Variants in GRIK3 observed in about 807,000 individuals in gnomAD.
The protein encoded by GRIK3 is glutamate ionotropic receptor kainate type subunit 3.
GRIK3 carries 29 observed loss-of-function variants against 102.5 expected under a neutral mutation model. The ratio of observed to expected loss-of-function variants is 0.28; its 90% CI spans 0.21 to 0.39. The LOEUF (loss-of-function observed/expected upper bound fraction) is 0.39, where lower values mean the gene tolerates loss of function less well. Ranked by LOEUF, GRIK3 falls within the 10% of genes least tolerant of loss-of-function variation. The pLI, the probability that GRIK3 is intolerant of heterozygous loss-of-function variation, is 1.00. For missense variants in GRIK3, 908 were observed against 1,252.4 expected (o/e 0.73, Z 4.15); for synonymous variants, 511 against 504.9 (o/e 1.01, Z -0.16).
At position 36,872,779 on chromosome 1, in the gene GRIK3, A is replaced by G. The variant is rs1181695040; in HGVS notation, c.551-410T>C. On this transcript the variant is annotated intron_variant, in intron 3 of 15. Transcript: ENST00000373091. The surrounding 1 kb of genome is among the most constrained non-coding windows in gnomAD (Gnocchi z 5.9). ...GTAAAGCCTTCAGGGCCTAAATCAG[A>G]GTTCACCCCTCTTCTTCTGTACCCA... Among the ~76,000 whole-genome samples the G allele has an allele frequency of 6.6e-6, 1 of 152,174 alleles. No individual in the cohort carries two copies. The highest frequency in any genetic ancestry group is 1.5e-5 in the Non-Finnish European group (1 of 68,036).
chr1:36,825,853 A>G, intron 10 of GRIK3, 27 bp from the exon 11 acceptor site: 9 of 1,511,306 alleles, frequency 6.0e-6, no homozygotes, highest in Non-Finnish European at 7.3e-6. Flanking sequence ...AGAGAAAGAC[A>G]GACTATGAGC....
intron 1 of GRIK3, among the ~76,000 whole-genome samples, chr1:37,031,741 C>G (rs1642830238): frequency 6.6e-6 from 1 of 152,220 alleles, no homozygotes; most frequent in Admixed American, 6.5e-5. Context: ...GGGCACTGGG[C>G]CCAGCCAAGG....
chr1:36,947,859 C>A (rs1398289706), intron 1 of GRIK3, among the ~76,000 whole-genome samples: 1 of 152,132 alleles, frequency 6.6e-6, no homozygotes. Flanking sequence ...ACACCCCACC[C>A]CCTCCACAGT....
chr1:36,890,915 C>T lies in GRIK3; in HGVS notation c.292+5G>A. On this transcript the variant is annotated splice_donor_5th_base_variant and intron_variant, in intron 2 of 15. Coordinates refer to ENST00000373091, the MANE Select transcript of GRIK3 (RefSeq NM_000831.4). ...AGAGAACAGAGGCAGGAGCTGCACACTCACCCTTTTTGGTCGCCTCGAAGC... is the reference window on the plus strand; with the variant it reads ...AGAGAACAGAGGCAGGAGCTGCACATTCACCCTTTTTGGTCGCCTCGAAGC... 3 of 1,605,902 alleles carry T rather than the reference C, an allele frequency of 1.9e-6. No homozygotes were observed. Among genetic ancestry groups the T allele is most frequent in the Non-Finnish European group, 2.6e-6 (3 of 1,174,856 alleles).
At chr1:37,012,940 G>T (rs1422650324) in intron 1 of GRIK3, among the ~76,000 whole-genome samples, 1 of 152,174 alleles carries the variant, frequency 6.6e-6, no homozygotes, top group South Asian at 2.1e-4. Context: ...CTCTTCCTGG[G>T]ATACCCCAAA....
chr1:36,875,561 C>T (rs1640904650), intron 3 of GRIK3, among the ~76,000 whole-genome samples: 1 of 152,244 alleles, frequency 6.6e-6, no homozygotes, highest in South Asian at 2.1e-4. Context: ...GGTTTGCTCT[C>T]TCGCCCCTCT....
chr1:36,967,842 A>G (rs1397909128), intron 1 of GRIK3, among the ~76,000 whole-genome samples: 1 of 152,240 alleles, frequency 6.6e-6, no homozygotes, highest in Non-Finnish European at 1.5e-5. Context: ...CTGTTATGAT[A>G]ATTGAGATAA....
intron 1 of GRIK3, among the ~76,000 whole-genome samples, chr1:36,913,551 C>T (rs1035352022): frequency 1.3e-5 from 2 of 152,152 alleles, no homozygotes; most frequent in Admixed American, 1.3e-4. Flanking sequence ...GAAGAAATTG[C>T]ACTAATTATA....
At chr1:36,983,843 C>A (rs1481322460) in intron 1 of GRIK3, among the ~76,000 whole-genome samples, 2 of 152,146 alleles carry the variant, frequency 1.3e-5, no homozygotes, top group African/African-American at 4.8e-5. Context: ...ATTCTTTCTA[C>A]AAATGCTTAT....
chr1:37,002,670 CTTTTTTT>C (rs57712253), intron 1 of GRIK3, among the ~76,000 whole-genome samples: 12 of 135,250 alleles, frequency 8.9e-5, no homozygotes, highest in East Asian at 4.3e-4. Context: ...TTCTTTCTTT[CTTTTTTT>C]TTTTTTTTTT....
chr1:36,990,281 T>C (rs536945728), intron 1 of GRIK3, among the ~76,000 whole-genome samples: 3 of 152,324 alleles, frequency 2.0e-5, no homozygotes, highest in African/African-American at 7.2e-5. Flanking sequence ...CCTCCTGTCC[T>C]GACACCATCC....
intron 1 of GRIK3, among the ~76,000 whole-genome samples, chr1:36,988,379 C>A (rs7526307): frequency 0.043 from 6,626 of 152,334 alleles, 441 homozygotes; most frequent in African/African-American, 0.14. Flanking sequence ...GGGGCAGGAG[C>A]AATGCTGCAG....
chr1:36,875,716 A>T (rs1276181682), intron 3 of GRIK3, among the ~76,000 whole-genome samples: 1 of 152,226 alleles, frequency 6.6e-6, no homozygotes, highest in African/African-American at 2.4e-5. Context: ...ATCCAGGTGA[A>T]CCCAGAAAAA....
intron 3 of GRIK3, among the ~76,000 whole-genome samples, chr1:36,879,489 T>G (rs564310728): frequency 6.6e-6 from 1 of 152,148 alleles, no homozygotes; most frequent in East Asian, 1.9e-4. Flanking sequence ...AGAGTGGGTT[T>G]TGTTTATCTA....
chr1:36,809,579 A>C (rs1368507648), intron 13 of GRIK3, among the ~76,000 whole-genome samples: 1 of 152,196 alleles, frequency 6.6e-6, no homozygotes, highest in Admixed American at 6.5e-5. Flanking sequence ...AGAATGGGAT[A>C]AGCACTTCTT....
At chr1:36,937,566 T>C (rs1641673004) in intron 1 of GRIK3, among the ~76,000 whole-genome samples, 1 of 152,048 alleles carries the variant, frequency 6.6e-6, no homozygotes, top group African/African-American at 2.4e-5. Context: ...AGAGATAAAG[T>C]CCCGTGCCTC....
intron 1 of GRIK3, among the ~76,000 whole-genome samples, chr1:36,975,289 T>G (rs79731903): frequency 1.9e-5 from 2 of 102,882 alleles, no homozygotes; most frequent in Non-Finnish European, 3.8e-5. Flanking sequence ...CTAAAGTTGG[T>G]TTTTTTTTTT....
intron 1 of GRIK3, among the ~76,000 whole-genome samples, chr1:36,907,518 G>A (rs1641296837): frequency 6.6e-6 from 1 of 152,210 alleles, no homozygotes; most frequent in Admixed American, 6.5e-5. Flanking sequence ...GCTGTTTGGA[G>A]GAAGGCGACA....
At chr1:36,887,598 T>C (rs910470459) in intron 2 of GRIK3, among the ~76,000 whole-genome samples, 5 of 151,690 alleles carry the variant, frequency 3.3e-5, no homozygotes, top group African/African-American at 1.2e-4. Context: ...GTACTAAAAA[T>C]ACAAAGAATC....
Sources: gnomAD v4.1 joint callset for allele counts (sites outside exome capture counted in the v4.1 genomes callset) on GRCh38, gnomAD v4.1.1 for gene constraint, Gnocchi (gnomAD v3.1) non-coding constraint, MANE v1.5 for transcripts, NCBI Gene and HGNC (gene_info 2026-07-23, HGNC 2026-07-21) for gene names.